CEP170: variants seen among roughly 807,000 people sequenced by gnomAD.
CEP170 encodes centrosomal protein of 170 kDa.
A neutral mutation model predicts 151.9 loss-of-function variants in CEP170; 21 were observed. The ratio of observed to expected loss-of-function variants is 0.14; its 90% CI spans 0.10 to 0.20. The LOEUF is 0.20. Ranked by LOEUF, CEP170 falls within the 10% of genes least tolerant of loss-of-function variation. The pLI is 1.00. For synonymous variants in CEP170, 356 were observed against 648.8 expected (o/e 0.55, Z 6.86); for missense variants, 964 against 1,892.9 (o/e 0.51, Z 9.11).
At position 243,190,470 on chromosome 1, in the gene CEP170, ATT is replaced by A. The variant is rs1247273472; in HGVS notation, c.1108+546_1108+547del. ...TCATGAAGTCCTAATATTAAAAAAA[ATT>A]TTAAAACTGGATTAATAGATCCTAC... On this transcript the variant is annotated intron_variant, in intron 8 of 19. Coordinates refer to ENST00000366542, the MANE Select transcript of CEP170 (RefSeq NM_014812.3). Among the ~76,000 whole-genome samples, 4 of 152,296 alleles carry A rather than the reference ATT, an allele frequency of 2.6e-5. No homozygotes were observed. In the South Asian group the frequency reaches 8.3e-4, roughly 32 times the overall value.
At chr1:243,182,521 A>T (rs1448583864) in intron 10 of CEP170, among the ~76,000 whole-genome samples, 1 of 152,022 alleles carries the variant, frequency 6.6e-6, no homozygotes, top group African/African-American at 2.4e-5. Flanking sequence ...TGTTCAATCC[A>T]TACTTCACAC....
At chr1:243,156,020 A>G (rs2057515316) in intron 14 of CEP170, among the ~76,000 whole-genome samples, 1 of 152,086 alleles carries the variant, frequency 6.6e-6, no homozygotes, top group South Asian at 2.1e-4. Flanking sequence ...TAATTCTACA[A>G]TATGTTAGTG....
intron 11 of CEP170, among the ~76,000 whole-genome samples, chr1:243,171,256 C>T (rs1473517434): frequency 6.6e-6 from 1 of 152,052 alleles, no homozygotes; most frequent in Non-Finnish European, 1.5e-5. Context: ...TAAAAATTCT[C>T]CCAATCACAG....
intron 6 of CEP170, among the ~76,000 whole-genome samples, chr1:243,199,768 T>C (rs1186350091): frequency 2.0e-5 from 3 of 151,698 alleles, no homozygotes; most frequent in Non-Finnish European, 2.9e-5. Flanking sequence ...ATTTAAAAAC[T>C]TGTTTCTGTT....
At chr1:243,176,479 T>C (rs1425641483) in intron 10 of CEP170, among the ~76,000 whole-genome samples, 3 of 11,494 alleles carry the variant, frequency 2.6e-4, no homozygotes, top group Admixed American at 3.6e-3. Flanking sequence ...CCGATCCGAG[T>C]AGATACATCT....
intron 3 of CEP170, among the ~76,000 whole-genome samples, chr1:243,218,924 G>A (rs1034043687): frequency 1.3e-5 from 2 of 152,124 alleles, no homozygotes; most frequent in Admixed American, 6.5e-5. Flanking sequence ...CCACTACACT[G>A]TGTCCTCCTA....
intron 4 of CEP170, among the ~76,000 whole-genome samples, chr1:243,208,314 C>A (rs149106243): frequency 8.0e-5 from 12 of 150,106 alleles, no homozygotes; most frequent in Admixed American, 8.0e-4. Flanking sequence ...TTTCTTTGAA[C>A]AAGAGTAGCC....
In CEP170 at chr1:243,211,870, A is replaced by G; in HGVS notation, c.274+16T>C. The G allele has an allele frequency of 6.2e-7, 1 of 1,601,578 alleles. No individual in the cohort carries two copies. The highest frequency in any genetic ancestry group is 8.5e-7 in the Non-Finnish European group (1 of 1,174,592). ...TTGAATAAATTTAATAAGTACATAA[A>G]ACCATTTAAGGATATCATATCCAAA... On this transcript the variant is annotated intron_variant, in intron 4 of 19. Transcript: ENST00000366542.
chr1:243,231,285 T>G (rs776417127), intron 1 of CEP170, among the ~76,000 whole-genome samples: 68 of 151,910 alleles, frequency 4.5e-4, no homozygotes, highest in Non-Finnish European at 9.3e-4. Context: ...TTTTTTTTTT[T>G]GTCAGTACAG....
chr1:243,203,244 C>T (rs1191705005), intron 4 of CEP170, among the ~76,000 whole-genome samples: 11 of 152,084 alleles, frequency 7.2e-5, no homozygotes, highest in Non-Finnish European at 5.9e-5. Flanking sequence ...GGTAGAATAA[C>T]GCATGATATC....
intron 7 of CEP170, among the ~76,000 whole-genome samples, chr1:243,196,845 A>G (rs1428310246): frequency 6.6e-6 from 1 of 152,108 alleles, no homozygotes; most frequent in East Asian, 1.9e-4. Flanking sequence ...AAATATACAG[A>G]CATCATTTAG....
At chr1:243,232,122 C>T (rs2063820281) in intron 1 of CEP170, among the ~76,000 whole-genome samples, 1 of 152,090 alleles carries the variant, frequency 6.6e-6, no homozygotes, top group Non-Finnish European at 1.5e-5. Context: ...TGCAGCACCA[C>T]ACCTGACTAA....
intron 8 of CEP170, among the ~76,000 whole-genome samples, chr1:243,188,588 A>T (rs1368779529): frequency 6.6e-6 from 1 of 152,112 alleles, no homozygotes; most frequent in Non-Finnish European, 1.5e-5. Context: ...TCCTTTTAAT[A>T]TTTTTAGGGT....
At chr1:243,196,043 G>C (rs1191680572) in intron 7 of CEP170, among the ~76,000 whole-genome samples, 1 of 152,072 alleles carries the variant, frequency 6.6e-6, no homozygotes, top group Non-Finnish European at 1.5e-5. Context: ...TACACAAGCT[G>C]AGAATTCAGT....
At chr1:243,226,977 GA>G (rs2063349049) in intron 1 of CEP170, among the ~76,000 whole-genome samples, 1 of 152,098 alleles carries the variant, frequency 6.6e-6, no homozygotes, top group Non-Finnish European at 1.5e-5. Context: ...CAACAGGAGT[GA>G]AACTCCGTCT....
chr1:243,152,824 C>T (rs554309867), intron 14 of CEP170, among the ~76,000 whole-genome samples: 1 of 152,268 alleles, frequency 6.6e-6, no homozygotes, highest in African/African-American at 2.4e-5. Flanking sequence ...AACCACCGTG[C>T]CTGGCCCGTT....
chr1:243,161,472 A>C (rs936695396), intron 13 of CEP170, among the ~76,000 whole-genome samples: 1 of 152,084 alleles, frequency 6.6e-6, no homozygotes, highest in Non-Finnish European at 1.5e-5. Flanking sequence ...ATTTCTTTAA[A>C]AAAAACTTTT....
intron 1 of CEP170, among the ~76,000 whole-genome samples, chr1:243,227,003 AAG>A (rs1236969668): frequency 6.6e-6 from 1 of 152,176 alleles, no homozygotes; most frequent in Non-Finnish European, 1.5e-5. Flanking sequence ...AAAACAAAAA[AAG>A]AAAATCCATC....
In CEP170 at chr1:243,227,780, C is replaced by A. The variant is rs375702131; in HGVS notation, c.-41-2459G>T. ...GGCAAATAATGCTTTGATGTCATTA[C>A]GAAAAAGGTTTTGACCCTGTGGACC... is the stretch of plus-strand genomic sequence containing the variant. On this transcript the variant is annotated intron_variant, in intron 1 of 19. Transcript: ENST00000366542. Among the ~76,000 whole-genome samples the A allele has an allele frequency of 3.5e-4, 53 of 152,228 alleles. 1 individual carries two copies. In the South Asian group the frequency reaches 5.6e-3, roughly 16 times the overall value.
Sources: allele counts gnomAD v4.1 joint callset (sites outside exome capture counted in the v4.1 genomes callset), GRCh38; gene constraint gnomAD v4.1.1; transcripts MANE v1.5; gene names NCBI Gene and HGNC (gene_info 2026-07-23, HGNC 2026-07-21).